Variants in GSE1 observed in about 807,000 individuals in gnomAD.
The protein encoded by GSE1 is genetic suppressor element 1.
A neutral mutation model predicts 112.6 loss-of-function variants in GSE1; 32 were observed. The observed-to-expected ratio is 0.28, with a 90% confidence interval of 0.21 to 0.38. The LOEUF (loss-of-function observed/expected upper bound fraction) is 0.38. Ranked by LOEUF, GSE1 falls within the 10% of genes least tolerant of loss-of-function variation. The probability of loss-of-function intolerance (pLI) is 1.00; values close to 1 mark genes in which losing one functional copy is unlikely to be tolerated. For synonymous variants in GSE1, 1,115 were observed against 735.6 expected (o/e 1.52, Z -8.35); for missense variants, 2,348 against 1,699.2 (o/e 1.38, Z -6.71).
chr16:85,456,486 G>A (rs957638098), intron 2 of GSE1, among the ~76,000 whole-genome samples: 1 of 152,008 alleles, frequency 6.6e-6, no homozygotes, highest in African/African-American at 2.4e-5. Context: ...ATTTCACACT[G>A]CCACGAAGTC....
chr16:85,557,777 T>C (rs1186411596), intron 1 of GSE1, among the ~76,000 whole-genome samples: 1 of 138,766 alleles, frequency 7.2e-6, no homozygotes, highest in Admixed American at 7.2e-5. Flanking sequence ...CCAACTGACT[T>C]AAAAAAAAAA....
At chr16:85,415,350 A>T (rs1192689076) in intron 2 of GSE1, among the ~76,000 whole-genome samples, 1 of 152,216 alleles carries the variant, frequency 6.6e-6, no homozygotes. Flanking sequence ...CGAAGTGCTA[A>T]ATAGGACATG....
intron 2 of GSE1, among the ~76,000 whole-genome samples, chr16:85,503,997 CGG>C (rs2151917911): frequency 6.6e-6 from 1 of 152,328 alleles, no homozygotes; most frequent in East Asian, 1.9e-4. Flanking sequence ...CGGTGGTCAC[CGG>C]AGCCCGGGCT....
intron 2 of GSE1, among the ~76,000 whole-genome samples, chr16:85,523,874 A>G (rs1041947728): frequency 2.6e-5 from 4 of 152,282 alleles, no homozygotes; most frequent in South Asian, 4.1e-4. Context: ...GTGCTGCGGG[A>G]GGCGGGGTCA....
At position 85,245,538 on chromosome 16, in the gene GSE1, A is replaced by G. The variant is rs540713352; in HGVS notation, c.2283+73731A>G. 1.3e-4 allele frequency among the ~76,000 whole-genome samples: 20 copies of G among 152,278 alleles called. No individual in the cohort carries two copies. In the South Asian group the frequency reaches 4.1e-3, roughly 32 times the overall value. On this transcript the variant is annotated intron_variant, in intron 1 of 2. Transcript: ENST00000637419. ...CTTCTTCCTGACTGGCTGTGTTTAA[A>G]AGCACTTCCCCTCTTTTCTTGCCCC...
intron 1 of GSE1, among the ~76,000 whole-genome samples, chr16:85,339,918 G>A (rs980375041): frequency 6.6e-6 from 1 of 152,130 alleles, no homozygotes; most frequent in African/African-American, 2.4e-5. Flanking sequence ...CAAGTCCTCA[G>A]TGCCAAGAAC....
chr16:85,627,343 T>C (rs942693529), intron 1 of GSE1, among the ~76,000 whole-genome samples: 2 of 152,014 alleles, frequency 1.3e-5, no homozygotes, highest in Non-Finnish European at 2.9e-5. Context: ...CCAGGCAGAC[T>C]GTCTAGACCA....
intron 2 of GSE1, among the ~76,000 whole-genome samples, chr16:85,388,607 G>GATGT (rs1352385470): frequency 6.6e-6 from 1 of 151,152 alleles, no homozygotes; most frequent in African/African-American, 2.4e-5. Context: ...TGGATGGTTG[G>GATGT]ATGGATGGAT....
At chr16:85,629,187 G>C (rs1232352470) in intron 1 of GSE1, among the ~76,000 whole-genome samples, 1 of 152,222 alleles carries the variant, frequency 6.6e-6, no homozygotes, top group African/African-American at 2.4e-5. Context: ...ACCCCACAGA[G>C]TCAGGAGCCA....
At chr16:85,450,145 G>T (rs2049634146) in intron 2 of GSE1, among the ~76,000 whole-genome samples, 4 of 80,742 alleles carry the variant, frequency 5.0e-5, no homozygotes, top group African/African-American at 2.3e-4. Context: ...TTTTGAGACG[G>T]AATTTCGCTC....
chr16:85,663,267 C>T (rs2052579253), intron 10 of GSE1, 77 bp from the exon 11 acceptor site: 7 of 1,529,088 alleles, frequency 4.6e-6, no homozygotes, highest in Non-Finnish European at 6.3e-6. Context: ...TCGAGGACCC[C>T]AGGAGGGGAC....
intron 1 of GSE1, among the ~76,000 whole-genome samples, chr16:85,268,334 G>T (rs528196920): frequency 1.3e-5 from 2 of 152,214 alleles, no homozygotes; most frequent in South Asian, 2.1e-4. Flanking sequence ...TAATGATAAT[G>T]GTCACAGTAC....
chr16:85,466,714 G>GGA (rs1314181536), intron 2 of GSE1, among the ~76,000 whole-genome samples: 3 of 84,582 alleles, frequency 3.5e-5, no homozygotes, highest in African/African-American at 2.5e-4. Context: ...AGAGAGAGAG[G>GGA]GAGAGAGGGA....
At chr16:85,544,044 A>G (rs8048712) in intron 2 of GSE1, among the ~76,000 whole-genome samples, 12,369 of 152,188 alleles carry the variant, frequency 0.081, 537 homozygotes, top group Middle Eastern at 0.14. Flanking sequence ...CACATTGCTC[A>G]GGCTGATGTC....
intron 2 of GSE1, among the ~76,000 whole-genome samples, chr16:85,519,042 T>C (rs2151143002): frequency 6.6e-6 from 1 of 152,316 alleles, no homozygotes; most frequent in South Asian, 2.1e-4. Flanking sequence ...TGGCTGCAGA[T>C]CACTTTGCAT....
At chr16:85,536,674 C>T (rs1284479147) in intron 2 of GSE1, among the ~76,000 whole-genome samples, 1 of 152,244 alleles carries the variant, frequency 6.6e-6, no homozygotes, top group Non-Finnish European at 1.5e-5. Flanking sequence ...CCCAGGCCCT[C>T]TGGCTCCCAG....
At chr16:85,553,094 G>A (rs879917891), upstream of GSE1, among the ~76,000 whole-genome samples, 2 of 151,886 alleles carry the variant, frequency 1.3e-5, no homozygotes, top group Non-Finnish European at 2.9e-5. Context: ...TCCAGTTTGT[G>A]AGGGGTTAGC....
chr16:85,528,672 T>TG (rs1420245571), intron 2 of GSE1, among the ~76,000 whole-genome samples: 1 of 151,834 alleles, frequency 6.6e-6, no homozygotes, highest in East Asian at 1.9e-4. Flanking sequence ...TGTTTTGTTT[T>TG]GTTTTGTTTT....
rs1044863069 is a variant in GSE1, at chr16:85,633,775, T to A, written c.8-139T>A. ...CTCTGCAGCGCTGGCTCTGTCCTGT[T>A]CTTGCTTGTCCTGCTGGAGCCCCCG... On this transcript the variant is annotated intron_variant, in intron 1 of 15. Coordinates refer to ENST00000253458, the MANE Select transcript of GSE1 (RefSeq NM_014615.5). 1.7e-5 allele frequency: 11 copies of A among 638,496 alleles called. No homozygotes were observed. In the East Asian group the frequency reaches 2.7e-4, roughly 16 times the overall value. The allele number at this position is 638,496 out of a possible 1,614,324, so 39.6% of individuals were successfully genotyped here.
Sources: allele counts gnomAD v4.1 joint callset (sites outside exome capture counted in the v4.1 genomes callset), GRCh38; gene constraint gnomAD v4.1.1; transcripts MANE v1.5; gene names NCBI Gene and HGNC (gene_info 2026-07-23, HGNC 2026-07-21).